Variants in DHRSX observed in about 807,000 individuals in gnomAD.
DHRSX encodes polyprenol dehydrogenase.
Under a neutral mutation model 34.0 loss-of-function variants are expected in DHRSX, and 31 were observed. That is an observed-to-expected ratio of 0.91 (90% CI 0.69 to 1.23). The LOEUF (loss-of-function observed/expected upper bound fraction) is 1.23. Ranked by LOEUF, DHRSX falls within the 50% of genes most tolerant of loss-of-function variation. The pLI is 0.00. For missense variants in DHRSX, 414 were observed against 428.1 expected (o/e 0.97, Z 0.29); for synonymous variants, 201 against 183.8 (o/e 1.09, Z -0.76).
At chrX:2,490,861 G>A (rs1368274812) in intron 1 of DHRSX, 12 of 1,234,238 alleles carry the variant, frequency 9.7e-6, no homozygotes, top group Non-Finnish European at 1.2e-5. Flanking sequence ...TGCCGGGGCA[G>A]CTCCGCTTTC....
intron 5 of DHRSX, among the ~76,000 whole-genome samples, chrX:2,246,837 T>TC (rs1320955385): frequency 2.6e-5 from 4 of 152,036 alleles, no homozygotes; most frequent in Admixed American, 6.6e-5. Flanking sequence ...GAAAATGCTT[T>TC]CCTAAGGAAA....
intron 3 of DHRSX, among the ~76,000 whole-genome samples, chrX:2,371,679 CCCA>C (rs2043073478): frequency 1.3e-5 from 1 of 76,766 alleles, no homozygotes; most frequent in Non-Finnish European, 4.3e-5. Context: ...CCCTCCTCCT[CCCA>C]TTATCACCGC....
At chrX:2,260,660 C>T (rs1243622515) in intron 5 of DHRSX, among the ~76,000 whole-genome samples, 2 of 151,930 alleles carry the variant, frequency 1.3e-5, no homozygotes, top group Non-Finnish European at 2.9e-5. Context: ...AGGGTTTCAT[C>T]ATATTGGTCA....
At chrX:2,436,202 A>G (rs748216936) in intron 1 of DHRSX, among the ~76,000 whole-genome samples, 4 of 152,152 alleles carry the variant, frequency 2.6e-5, no homozygotes, top group African/African-American at 9.6e-5. Flanking sequence ...CAGAAAAATA[A>G]TAACAACAAA....
chrX:2,428,826 T>A (rs978713535), intron 1 of DHRSX, among the ~76,000 whole-genome samples: 4 of 152,182 alleles, frequency 2.6e-5, no homozygotes, highest in Non-Finnish European at 5.9e-5. Context: ...TTTCCAAGTA[T>A]AAAATGTTGT....
chrX:2,375,892 A>C, intron 3 of DHRSX, among the ~76,000 whole-genome samples: 1 of 136,224 alleles, frequency 7.3e-6, no homozygotes, highest in Admixed American at 7.3e-5. Flanking sequence ...CGGCCTCCCA[A>C]AGTGCTGGGA....
intron 3 of DHRSX, among the ~76,000 whole-genome samples, chrX:2,339,450 CT>C (rs1473282394): frequency 2.0e-5 from 3 of 151,938 alleles, no homozygotes; most frequent in African/African-American, 7.2e-5. Context: ...CGAGTAAGTT[CT>C]TTAGTGGTGA....
intron 1 of DHRSX, among the ~76,000 whole-genome samples, chrX:2,454,855 G>A (rs1259162768): frequency 5.9e-5 from 9 of 152,182 alleles, no homozygotes; most frequent in Admixed American, 5.9e-4. Flanking sequence ...GCTCACGCCT[G>A]TAATCTCAGA....
chrX:2,457,522 G>A (rs2044319008), intron 1 of DHRSX, among the ~76,000 whole-genome samples: 1 of 151,482 alleles, frequency 6.6e-6, no homozygotes, highest in Non-Finnish European at 1.5e-5. Flanking sequence ...CATTCCCTAG[G>A]CATGTGGCCA....
chrX:2,324,777 T>TC (rs2042357290), intron 3 of DHRSX, among the ~76,000 whole-genome samples: 1 of 149,942 alleles, frequency 6.7e-6, no homozygotes, highest in Non-Finnish European at 1.5e-5. Flanking sequence ...TTCTTTTTTT[T>TC]TTTTTTTTTG....
chrX:2,363,534 T>C (rs1410090829), intron 3 of DHRSX, among the ~76,000 whole-genome samples: 1 of 148,576 alleles, frequency 6.7e-6, no homozygotes, highest in African/African-American at 2.5e-5. Flanking sequence ...CACCGTTCTA[T>C]GATATCATGC....
In DHRSX at chrX:2,314,455, G is replaced by GAGGGA. The variant is rs1366251400; in HGVS notation, c.287-22853_287-22852insTCCCT. Among the ~76,000 whole-genome samples the GAGGGA allele has an allele frequency of 7.6e-3, 203 of 26,794 alleles. 4 individuals are homozygous for GAGGGA. The highest frequency in any genetic ancestry group is 0.077 in the Middle Eastern group (2 of 26). 17.6% of individuals were successfully genotyped at this position (26,794 alleles called of 152,430 possible). On this transcript the variant is annotated intron_variant, in intron 3 of 6. Transcript: ENST00000334651. Reference sequence around the variant, plus strand: ...GAAGGGAGGAAGGAAGGGGAGAAGGGAGGAAGGAAGGGGAGAAGGAAGGAA... The same window carrying GAGGGA: ...GAAGGGAGGAAGGAAGGGGAGAAGGGAGGGAAGGAAGGAAGGGGAGAAGGAAGGAA...
rs181957863 is a variant in DHRSX at position 2,253,505 on chromosome X, C to G, written c.597-10275G>C. 1.9e-3 allele frequency among the ~76,000 whole-genome samples: 291 copies of G among 152,174 alleles called. 4 individuals carry two copies. In the East Asian group the frequency reaches 0.04, roughly 21 times the overall value. On this transcript the variant is annotated intron_variant, in intron 5 of 6. Transcript: ENST00000334651. Reference sequence around the variant, plus strand: ...CAAGATGGCGCCACCACACTCCAGCCTGGGAGGCGGACATGGCCGTGAGCC... The same window carrying G: ...CAAGATGGCGCCACCACACTCCAGCGTGGGAGGCGGACATGGCCGTGAGCC...
chrX:2,356,528 C>T (rs1427910771), intron 3 of DHRSX, among the ~76,000 whole-genome samples: 7 of 152,100 alleles, frequency 4.6e-5, no homozygotes, highest in African/African-American at 7.2e-5. Flanking sequence ...AGGCAACATC[C>T]AATGTTGGTA....
intron 3 of DHRSX, among the ~76,000 whole-genome samples, chrX:2,352,027 TTTG>T (rs1330215637): frequency 6.6e-6 from 1 of 152,004 alleles, no homozygotes; most frequent in Non-Finnish European, 1.5e-5. Flanking sequence ...GCCTGGAACA[TTTG>T]TTGTTTCAAT....
intron 3 of DHRSX, among the ~76,000 whole-genome samples, chrX:2,343,828 T>C (rs750801436): frequency 2.0e-5 from 3 of 152,344 alleles, no homozygotes; most frequent in African/African-American, 7.2e-5. Context: ...ATCTATAACA[T>C]GCATATATTG....
chrX:2,375,768 G>A (rs1240584463), intron 3 of DHRSX, among the ~76,000 whole-genome samples: 3 of 136,192 alleles, frequency 2.2e-5, no homozygotes, highest in Non-Finnish European at 3.5e-5. Flanking sequence ...CAGTAGCTAC[G>A]ACTACAGGCG....
intron 3 of DHRSX, among the ~76,000 whole-genome samples, chrX:2,303,256 T>G (rs2042034537): frequency 6.6e-6 from 1 of 152,142 alleles, no homozygotes; most frequent in Non-Finnish European, 1.5e-5. Context: ...GTGATATAGT[T>G]TAGATCTGTG....
chrX:2,428,880 A>G (rs948786899), intron 1 of DHRSX, among the ~76,000 whole-genome samples: 3 of 152,126 alleles, frequency 2.0e-5, no homozygotes, highest in Non-Finnish European at 2.9e-5. Context: ...AGAACATACA[A>G]TCGCCAGGGT....
Sources: allele counts gnomAD v4.1 joint callset (sites outside exome capture counted in the v4.1 genomes callset), GRCh38; gene constraint gnomAD v4.1.1; transcripts MANE v1.5; gene names NCBI Gene and HGNC (gene_info 2026-07-23, HGNC 2026-07-21).